Variants in TERT observed in about 807,000 individuals in gnomAD.
TERT encodes the protein telomerase reverse transcriptase.
TERT carries 42 observed loss-of-function variants against 104.0 expected under a neutral mutation model. That is an observed-to-expected ratio of 0.40 (90% CI 0.32 to 0.52). The LOEUF (loss-of-function observed/expected upper bound fraction) is 0.52. Among genes scored for constraint, TERT ranks in the 20% least tolerant of loss-of-function variants. The pLI is 0.43. For synonymous variants in TERT, 781 were observed against 725.6 expected (o/e 1.08, Z -1.23); for missense variants, 1,101 against 1,610.3 (o/e 0.68, Z 5.41).
chr5:1,283,173 C>G (rs1750171543), intron 2 of TERT, among the ~76,000 whole-genome samples: 3 of 147,572 alleles, frequency 2.0e-5, no homozygotes, highest in Admixed American at 1.3e-4. Context: ...CGACCTCACC[C>G]CAGACCTGCA....
intron 12 of TERT, 52 bp downstream of exon 12, chr5:1,260,422 G>C (rs933739306): frequency 6.2e-7 from 1 of 1,611,406 alleles, no homozygotes; most frequent in African/African-American, 1.3e-5. Context: ...ACACATACTT[G>C]CGCACACACC....
rs904442962 is a variant in TERT at position 1,270,090 on chromosome 5, G to A, written c.2468+1029C>T. 6.6e-6 allele frequency among the ~76,000 whole-genome samples: 1 copy of A among 152,092 alleles called. No individual in the cohort carries two copies. The highest frequency in any genetic ancestry group is 1.5e-5 in the Non-Finnish European group (1 of 68,004). On this transcript the variant is annotated intron_variant, in intron 8 of 15. Transcript: ENST00000310581. This position sits in a 1 kb window ranked among gnomAD's most constrained non-coding sequence, Gnocchi z 8.3. ...TGTCAGCGAATTCTGTGGGCCTGGGGGCCGCTTACACACATGTGCACACGT... is the reference window on the plus strand; with the variant it reads ...TGTCAGCGAATTCTGTGGGCCTGGGAGCCGCTTACACACATGTGCACACGT...
intron 12 of TERT, among the ~76,000 whole-genome samples, chr5:1,259,765 G>A (rs1748075920): frequency 7.2e-6 from 1 of 139,628 alleles, no homozygotes; most frequent in Non-Finnish European, 1.5e-5. Context: ...CAGGAGAGGG[G>A]GAGTGGACAC....
At chr5:1,254,729 C>T (rs35523995) in intron 14 of TERT, among the ~76,000 whole-genome samples, 2 of 152,346 alleles carry the variant, frequency 1.3e-5, no homozygotes, top group East Asian at 3.9e-4. Flanking sequence ...AGCTCAGGAC[C>T]GCAGGTTCGA....
rs34864337 is a variant in TERT, at chr5:1,265,738, C to T, written c.2654+726G>A. Among the ~76,000 whole-genome samples the T allele has an allele frequency of 0.011, 1,737 of 152,152 alleles. 34 individuals are homozygous for T. The highest frequency in any genetic ancestry group is 0.037 in the African/African-American group (1,554 of 41,498). ...GCAAAGCACCTGAAACCACCCCTGG[C>T]GGCCACATTTTCTGAGGGTTCCCTT... On this transcript the variant is annotated intron_variant, in intron 10 of 15. Coordinates refer to ENST00000310581, the MANE Select transcript of TERT (RefSeq NM_198253.3). The surrounding 1 kb of genome is among the most constrained non-coding windows in gnomAD (Gnocchi z 6.9).
rs547351304 is a variant in TERT, at chr5:1,287,886, A to G, written c.1574-5262T>C. 6.6e-6 allele frequency among the ~76,000 whole-genome samples: 1 copy of G among 151,908 alleles called. No homozygotes were observed. The highest frequency in any genetic ancestry group is 2.4e-5 in the African/African-American group (1 of 41,348). Reference sequence around the variant, plus strand: ...TGACAGGATGTCAAATTTACAATGGACAGTTCTGGAAACCATGCACACACT... The same window carrying G: ...TGACAGGATGTCAAATTTACAATGGGCAGTTCTGGAAACCATGCACACACT... On this transcript the variant is annotated intron_variant, in intron 2 of 15. Transcript: ENST00000310581. This position sits in a 1 kb window ranked among gnomAD's most constrained non-coding sequence, Gnocchi z 4.3.
rs201106748 is a variant in TERT at position 1,292,531 on chromosome 5, AG to A, written c.1573+781del. Among the ~76,000 whole-genome samples, 3,950 of 151,140 alleles carry A rather than the reference AG, an allele frequency of 0.026. 167 individuals are homozygous for A. Among genetic ancestry groups the A allele is most frequent in the African/African-American group, 0.089 (3,651 of 41,210 alleles). On this transcript the variant is annotated intron_variant, in intron 2 of 15. Transcript: ENST00000310581. The surrounding 1 kb of genome is among the most constrained non-coding windows in gnomAD (Gnocchi z 5.5). The stretch of plus-strand genomic sequence containing the variant: ...ATCAACGAACACTTTTTTTTTTTAA[AG>A]ACAGAGTTTCACTCTTGTCGCCCAG...
At chr5:1,285,938 C>A (rs1197462178) in intron 2 of TERT, among the ~76,000 whole-genome samples, 1 of 151,920 alleles carries the variant, frequency 6.6e-6, no homozygotes, top group East Asian at 1.9e-4. Flanking sequence ...GGAGCCTCAT[C>A]CTTTGTCCTG....
intron 2 of TERT, among the ~76,000 whole-genome samples, chr5:1,284,358 T>TGC (rs1383365212): frequency 5.2e-5 from 4 of 77,550 alleles, no homozygotes; most frequent in Admixed American, 3.1e-4. Context: ...CCGGACTCCA[T>TGC]ACCTCCAGCT....
chr5:1,290,488 C>A (rs1579591823), intron 2 of TERT, among the ~76,000 whole-genome samples: 1 of 52,480 alleles, frequency 1.9e-5, no homozygotes, highest in Admixed American at 1.9e-4. Flanking sequence ...AATCACCCTG[C>A]ACGTGACAGG....
chr5:1,282,281 T>G (rs1240332378), intron 3 of TERT, 148 bp downstream of exon 3: 3 of 781,172 alleles, frequency 3.8e-6, no homozygotes, highest in Admixed American at 4.2e-5. Flanking sequence ...CAGAATCCAC[T>G]TGGACCAGGC....
At chr5:1,275,852 C>A (rs1039476358) in intron 6 of TERT, among the ~76,000 whole-genome samples, 1 of 138,790 alleles carries the variant, frequency 7.2e-6, no homozygotes, top group Admixed American at 7.1e-5. Flanking sequence ...CAGATCCCCA[C>A]CTACCCCACA....
Position 1,280,276 on chromosome 5 carries a change from T to C in TERT, c.1832A>G (p.Glu611Gly). The C allele has an allele frequency of 6.2e-7, 1 of 1,613,694 alleles. No homozygotes were observed. Among genetic ancestry groups the C allele is most frequent in the Non-Finnish European group, 8.5e-7 (1 of 1,180,024 alleles). Residue 611 changes from glutamate (E) to glycine (G), a missense_variant, in exon 4 of 16, where the codon GAA becomes GGA. Transcript: ENST00000310581. Reference sequence around the variant, plus strand: ...GGACGTCAGCAGGGCGGGCCTGGCTTCCCGATGCTGCCTGACCTCTGCTTC... The same window carrying C: ...GGACGTCAGCAGGGCGGGCCTGGCTCCCCGATGCTGCCTGACCTCTGCTTC... ...LSEAEVRQHREARPALLTSRL... is the reference protein window; with the variant it reads ...LSEAEVRQHRGARPALLTSRL...
At chr5:1,260,642 A>G (rs767457804) in intron 11 of TERT, 42 bp from the exon 12 acceptor site, 5 of 1,611,164 alleles carry the variant, frequency 3.1e-6, no homozygotes, top group Non-Finnish European at 3.4e-6. Context: ...TGCCTGCCCC[A>G]CACCCAGCCC....
Position 1,255,463 on chromosome 5 carries a change from C to T in TERT, c.3033-52G>A. The T allele has an allele frequency of 6.2e-7, 1 of 1,612,732 alleles. No homozygotes were observed. Among genetic ancestry groups the T allele is most frequent in the Middle Eastern group, 1.7e-4 (1 of 6,000 alleles). ...GGAAAGGCCTCCTAATCAGACGGTG[C>T]TCGTGGGTGTGGGCATGGGCCCACC... On this transcript the variant is annotated intron_variant, in intron 13 of 15. Transcript: ENST00000310581. The surrounding 1 kb of genome is among the most constrained non-coding windows in gnomAD (Gnocchi z 6.9).
intron 6 of TERT, among the ~76,000 whole-genome samples, chr5:1,278,387 C>A (rs1475033735): frequency 6.6e-6 from 1 of 152,092 alleles, no homozygotes; most frequent in Non-Finnish European, 1.5e-5. Flanking sequence ...ATGCACGTGT[C>A]ACAGACACAC....
rs1750563628 is a variant in TERT at position 1,287,496 on chromosome 5, T to C, written c.1574-4872A>G. Among the ~76,000 whole-genome samples the C allele has an allele frequency of 2.6e-5, 1 of 38,374 alleles. No homozygotes were observed. 25.2% of individuals were successfully genotyped at this position (38,374 alleles called of 152,430 possible). ...CTGGGCGACAGACCAAGACTCTGTC[T>C]CAAAAAAAAAAAATATATATATATA... On this transcript the variant is annotated intron_variant, in intron 2 of 15. Transcript: ENST00000310581. The surrounding 1 kb of genome is among the most constrained non-coding windows in gnomAD (Gnocchi z 4.3).
chr5:1,289,988 T>G (rs1282780983), intron 2 of TERT, among the ~76,000 whole-genome samples: 1 of 25,436 alleles, frequency 3.9e-5, no homozygotes, highest in Non-Finnish European at 6.7e-5. Context: ...ACCCTGCACG[T>G]GACAGGGACA....
intron 5 of TERT, 60 bp downstream of exon 5, chr5:1,279,231 C>A (rs560576555): frequency 6.6e-7 from 1 of 1,525,884 alleles, no homozygotes; most frequent in Non-Finnish European, 8.8e-7. Context: ...CATGAGGTGC[C>A]AATCAGGCAG....
Sources: gnomAD v4.1 joint callset for allele counts (sites outside exome capture counted in the v4.1 genomes callset) on GRCh38, gnomAD v4.1.1 for gene constraint, Gnocchi (gnomAD v3.1) non-coding constraint, MANE v1.5 for transcripts, NCBI Gene and HGNC (gene_info 2026-07-23, HGNC 2026-07-21) for gene names.